PRKX: variants seen among roughly 807,000 people sequenced by gnomAD.
PRKX encodes protein kinase cAMP-dependent X-linked catalytic subunit, also known as cAMP-dependent protein kinase catalytic subunit PRKX.
In PRKX, 12 loss-of-function variants were observed where a neutral mutation model predicts 22.0. That is an observed-to-expected ratio of 0.54 (90% CI 0.35 to 0.88). PRKX has a LOEUF of 0.88. Among genes scored for constraint, PRKX ranks in the 40% least tolerant of loss-of-function variants. The pLI is 0.01. For synonymous variants in PRKX, 134 were observed against 137.7 expected (o/e 0.97, Z 0.19); for missense variants, 217 against 308.0 (o/e 0.70, Z 2.21).
chrX:3,655,267 C>T lies in PRKX; in HGVS notation c.481G>A (p.Glu161Lys), dbSNP rs770062921. Reference sequence around the variant, plus strand: ...ACGATCTCTTTGGAGTGCAGGTACTCGATGGCACAGATGATCTCTGCAGAG... The same window carrying T: ...ACGATCTCTTTGGAGTGCAGGTACTTGATGGCACAGATGATCTCTGCAGAG... ...FYSAEIICAI[E>K]YLHSKEIVYR... The change falls in exon 3 of 9, where the codon GAG (glutamate) becomes AAG (lysine). Residue 161 changes from glutamate to lysine, a missense_variant. By Grantham distance (56) the Glu-to-Lys change is moderately conservative. Transcript: ENST00000262848. The T allele has an allele frequency of 2.5e-6, 3 of 1,212,050 alleles. No homozygotes were observed. Among genetic ancestry groups the T allele is most frequent in the East Asian group, 3.0e-5 (1 of 33,859 alleles).
At chrX:3,711,625 C>T (rs1928791129) in intron 1 of PRKX, among the ~76,000 whole-genome samples, 1 of 111,913 alleles carries the variant, frequency 8.9e-6, no homozygotes, top group African/African-American at 3.3e-5. Flanking sequence ...TGTATTTCCA[C>T]CTACTGTGGC....
chrX:3,621,347 A>C (rs765018156), intron 5 of PRKX, 31 bp from the exon 6 acceptor site: 1 of 1,120,357 alleles, frequency 8.9e-7, no homozygotes, highest in East Asian at 3.0e-5. Context: ...AAAAAAAAAA[A>C]AGTACACAGA....
At chrX:3,675,797 T>C (rs1413999964) in intron 1 of PRKX, among the ~76,000 whole-genome samples, 2 of 111,585 alleles carry the variant, frequency 1.8e-5, no homozygotes, top group Non-Finnish European at 3.8e-5. Context: ...ATTCTTCACG[T>C]AGCATAAATG....
At chrX:3,689,914 T>C (rs769655145) in intron 1 of PRKX, among the ~76,000 whole-genome samples, 8 of 110,433 alleles carry the variant, frequency 7.2e-5, no homozygotes, top group South Asian at 7.8e-4. Flanking sequence ...GAGGCAGAGC[T>C]TGCAGTGAGC....
intron 3 of PRKX, among the ~76,000 whole-genome samples, chrX:3,650,243 G>T (rs777808198): frequency 5.4e-5 from 6 of 110,896 alleles, no homozygotes; most frequent in South Asian, 7.6e-4. Context: ...GAAAAATGGC[G>T]GGGCACGGTG....
At chrX:3,676,126 T>A in intron 1 of PRKX, among the ~76,000 whole-genome samples, 1 of 111,509 alleles carries the variant, frequency 9.0e-6, no homozygotes, top group East Asian at 2.8e-4. Context: ...ATGCAAGTCA[T>A]TCCTCAGCAA....
At chrX:3,616,551 G>GT (rs1438347985) in intron 6 of PRKX, among the ~76,000 whole-genome samples, 2 of 111,642 alleles carry the variant, frequency 1.8e-5, no homozygotes, top group African/African-American at 6.5e-5. Flanking sequence ...TAGTGATGTC[G>GT]TTATCAATTA....
At chrX:3,680,646 G>A (rs1928053259) in intron 1 of PRKX, among the ~76,000 whole-genome samples, 2 of 112,154 alleles carry the variant, frequency 1.8e-5, no homozygotes, top group Non-Finnish European at 3.8e-5. Context: ...CCTTTATCCC[G>A]AATGTTTAGA....
chrX:3,699,227 G>A (rs1299100235), intron 1 of PRKX, among the ~76,000 whole-genome samples: 1 of 108,926 alleles, frequency 9.2e-6, no homozygotes, highest in Non-Finnish European at 1.9e-5. Flanking sequence ...AGGAGAGACG[G>A]GGTTTCACCA....
intron 2 of PRKX, among the ~76,000 whole-genome samples, chrX:3,665,709 G>A (rs1213881610): frequency 9.1e-6 from 1 of 110,472 alleles, no homozygotes; most frequent in African/African-American, 3.3e-5. Context: ...CAGGACGGGG[G>A]AATCTGAAGG....
At chrX:3,670,093 G>C (rs1927817474) in intron 2 of PRKX, 1 of 123,907 alleles carries the variant, frequency 8.1e-6, no homozygotes. Context: ...CACCTCCGCT[G>C]AAAGTCCTCG....
At chrX:3,666,597 C>A (rs1017149988) in intron 2 of PRKX, among the ~76,000 whole-genome samples, 1 of 111,572 alleles carries the variant, frequency 9.0e-6, no homozygotes, top group Non-Finnish European at 1.9e-5. Flanking sequence ...AAAGCAAGAT[C>A]ACATGTTTGC....
chrX:3,698,521 TG>T (rs1928489981), intron 1 of PRKX, among the ~76,000 whole-genome samples: 1 of 109,586 alleles, frequency 9.1e-6, no homozygotes, highest in Non-Finnish European at 1.9e-5. Flanking sequence ...TTGTTGTTGT[TG>T]TTGTTTTGTT....
chrX:3,703,264 C>T (rs938933047), intron 1 of PRKX, among the ~76,000 whole-genome samples: 3 of 111,109 alleles, frequency 2.7e-5, no homozygotes, highest in African/African-American at 9.9e-5. Context: ...CCAGCCTGGG[C>T]GACAGAGCAA....
At chrX:3,637,950 C>T (rs183501861) in intron 4 of PRKX, among the ~76,000 whole-genome samples, 195 of 109,334 alleles carry the variant, frequency 1.8e-3, no homozygotes, top group African/African-American at 6.1e-3. Flanking sequence ...GTAGTAGAGA[C>T]GGGGTTTTAC....
In PRKX at chrX:3,713,524, A is replaced by C; in HGVS notation, c.-271T>G. The C allele has an allele frequency of 4.9e-6, 1 of 205,691 alleles. No homozygotes were observed. Among genetic ancestry groups the C allele is most frequent in the East Asian group, 7.9e-5 (1 of 12,692 alleles). 17.0% of individuals were successfully genotyped at this position (205,691 alleles called of 1,213,427 possible). On this transcript the variant is annotated 5_prime_UTR_variant, in exon 1 of 9. Coordinates refer to ENST00000262848, the MANE Select transcript of PRKX (RefSeq NM_005044.5). ...ACCGAGTGCGGGACGACTGCGGGGA[A>C]GGCGGGGGCCGCGGCCCGGGCTGGG...
At chrX:3,647,115 T>G in intron 3 of PRKX, among the ~76,000 whole-genome samples, 1 of 110,339 alleles carries the variant, frequency 9.1e-6, no homozygotes, top group Non-Finnish European at 1.9e-5. Flanking sequence ...ATAAAACGAT[T>G]ATGTATTTAT....
At chrX:3,638,288 T>C (rs1340620469) in intron 4 of PRKX, among the ~76,000 whole-genome samples, 57 of 106,562 alleles carry the variant, frequency 5.3e-4, no homozygotes, top group African/African-American at 1.9e-3. Context: ...CTAATATTGT[T>C]TTAACTATAG....
chrX:3,710,425 G>A (rs745517038), intron 1 of PRKX, among the ~76,000 whole-genome samples: 1 of 112,148 alleles, frequency 8.9e-6, no homozygotes, highest in African/African-American at 3.2e-5. Flanking sequence ...AGGCTGGAGC[G>A]CAGTGGTGTG....
Sources: gnomAD v4.1 joint callset for allele counts (sites outside exome capture counted in the v4.1 genomes callset) on GRCh38, gnomAD v4.1.1 for gene constraint, MANE v1.5 for transcripts, NCBI Gene and HGNC (gene_info 2026-07-23, HGNC 2026-07-21) for gene names.